WWOX: variants seen among roughly 807,000 people sequenced by gnomAD.
The protein encoded by WWOX is WW domain containing oxidoreductase, also known as WW domain-containing oxidoreductase.
WWOX carries 69 observed loss-of-function variants against 46.2 expected under a neutral mutation model. The ratio of observed to expected loss-of-function variants is 1.49; its 90% CI spans 1.23 to 1.82. The LOEUF (loss-of-function observed/expected upper bound fraction) is 1.82, where lower values mean the gene tolerates loss of function less well. Among genes scored for constraint, WWOX ranks in the 40% most tolerant of loss-of-function variants. The probability of loss-of-function intolerance (pLI) is 0.00; values close to 1 mark genes in which losing one functional copy is unlikely to be tolerated. For synonymous variants in WWOX, 359 were observed against 202.6 expected (o/e 1.77, Z -6.56); for missense variants, 919 against 542.6 (o/e 1.69, Z -6.89).
At chr16:78,634,837 A>AGAGAGAGAGAGTGTGTGT (rs1346762709) in intron 8 of WWOX, among the ~76,000 whole-genome samples, 3 of 111,718 alleles carry the variant, frequency 2.7e-5, no homozygotes, top group Non-Finnish European at 1.9e-5. Flanking sequence ...AGAGAGAGAG[A>AGAGAGAGAGAGTGTGTGT]GTGTGTGTGT....
At chr16:78,945,292 C>G (rs753378284) in intron 8 of WWOX, among the ~76,000 whole-genome samples, 4 of 152,156 alleles carry the variant, frequency 2.6e-5, no homozygotes, top group African/African-American at 9.7e-5. Flanking sequence ...ATATCAAGCA[C>G]GATTTGAGTT....
chr16:79,129,817 A>C (rs924536950), intron 8 of WWOX, among the ~76,000 whole-genome samples: 1 of 152,174 alleles, frequency 6.6e-6, no homozygotes, highest in Non-Finnish European at 1.5e-5. Flanking sequence ...CTCATGGACC[A>C]GTCGAAGGAG....
intron 8 of WWOX, among the ~76,000 whole-genome samples, chr16:78,946,206 T>G (rs1212883217): frequency 2.0e-5 from 3 of 152,168 alleles, no homozygotes; most frequent in Non-Finnish European, 4.4e-5. Flanking sequence ...TGTTTTTGTT[T>G]TCGAGACTGA....
chr16:78,736,354 A>C (rs1470948173), intron 8 of WWOX, among the ~76,000 whole-genome samples: 1 of 152,100 alleles, frequency 6.6e-6, no homozygotes, highest in Admixed American at 6.5e-5. Flanking sequence ...CAGCAAAGTG[A>C]AATTTTCCAG....
chr16:78,501,820 A>G (rs921258843), intron 8 of WWOX, among the ~76,000 whole-genome samples: 9 of 152,170 alleles, frequency 5.9e-5, no homozygotes, highest in Admixed American at 4.6e-4. Flanking sequence ...CTGAGAAGTT[A>G]CGTGAAACTA....
chr16:78,488,776 T>G (rs2084704364), intron 8 of WWOX, among the ~76,000 whole-genome samples: 1 of 152,196 alleles, frequency 6.6e-6, no homozygotes, highest in South Asian at 2.1e-4. Context: ...TGAGTCTTAG[T>G]TTCCTTACCT....
At chr16:78,688,463 G>C (rs757378893) in intron 8 of WWOX, among the ~76,000 whole-genome samples, 12 of 150,864 alleles carry the variant, frequency 8.0e-5, no homozygotes, top group Non-Finnish European at 1.6e-4. Flanking sequence ...TCTCTCTATT[G>C]CATATTAACC....
chr16:78,709,403 G>T (rs2048391481), intron 8 of WWOX, among the ~76,000 whole-genome samples: 1 of 152,154 alleles, frequency 6.6e-6, no homozygotes, highest in African/African-American at 2.4e-5. Context: ...CAGGGCCTGG[G>T]TAGCGGGCCC....
intron 5 of WWOX, among the ~76,000 whole-genome samples, chr16:78,328,086 C>G (rs2080670164): frequency 1.3e-5 from 2 of 151,982 alleles, no homozygotes; most frequent in African/African-American, 4.8e-5. Context: ...GTTGGCCAGG[C>G]TGGTCTTGAA....
intron 8 of WWOX, among the ~76,000 whole-genome samples, chr16:78,996,977 C>T (rs2047002941): frequency 6.6e-6 from 1 of 152,236 alleles, no homozygotes; most frequent in South Asian, 2.1e-4. Flanking sequence ...CGGATCTTTT[C>T]GCCTTGGCAG....
At chr16:78,918,520 T>C (rs754537031) in intron 8 of WWOX, among the ~76,000 whole-genome samples, 12 of 152,234 alleles carry the variant, frequency 7.9e-5, no homozygotes, top group Non-Finnish European at 1.5e-4. Flanking sequence ...CAGAGGTCTC[T>C]GCACAGAGAA....
intron 8 of WWOX, among the ~76,000 whole-genome samples, chr16:78,755,709 T>G (rs1464050873): frequency 6.6e-6 from 1 of 152,164 alleles, no homozygotes; most frequent in African/African-American, 2.4e-5. Flanking sequence ...AATACCCATT[T>G]TGATAGTTCA....
At chr16:78,567,730 C>G (rs1044894923) in intron 8 of WWOX, among the ~76,000 whole-genome samples, 2 of 152,034 alleles carry the variant, frequency 1.3e-5, no homozygotes, top group Non-Finnish European at 2.9e-5. Context: ...ATCCACCCTG[C>G]CTCTGTGGCT....
intron 6 of WWOX, among the ~76,000 whole-genome samples, chr16:78,409,366 T>A (rs2082621697): frequency 6.6e-6 from 1 of 152,144 alleles, no homozygotes; most frequent in Non-Finnish European, 1.5e-5. Flanking sequence ...CTTACTGTAG[T>A]CATACCTGCT....
At chr16:79,093,166 T>A (rs1418060564) in intron 8 of WWOX, among the ~76,000 whole-genome samples, 1 of 151,902 alleles carries the variant, frequency 6.6e-6, no homozygotes, top group Non-Finnish European at 1.5e-5. Context: ...GGAAAAAAAA[T>A]GGGCAAAAAT....
chr16:78,697,295 T>C (rs1451665697), intron 8 of WWOX, among the ~76,000 whole-genome samples: 1 of 152,186 alleles, frequency 6.6e-6, no homozygotes, highest in Non-Finnish European at 1.5e-5. Flanking sequence ...TGTAGAAGTG[T>C]TCCCTGCTCA....
chr16:78,965,251 T>C (rs2046343350), intron 8 of WWOX, among the ~76,000 whole-genome samples: 1 of 152,158 alleles, frequency 6.6e-6, no homozygotes, highest in Non-Finnish European at 1.5e-5. Flanking sequence ...ATAGTATTGA[T>C]GGTTGAACAA....
chr16:78,487,029 C>G (rs770571123), intron 8 of WWOX, among the ~76,000 whole-genome samples: 2 of 152,124 alleles, frequency 1.3e-5, no homozygotes, highest in Non-Finnish European at 2.9e-5. Context: ...AGCGAGCAGA[C>G]ACATGTACCC....
At chr16:78,956,601 A>T (rs1309439587) in intron 8 of WWOX, among the ~76,000 whole-genome samples, 1 of 148,378 alleles carries the variant, frequency 6.7e-6, no homozygotes, top group South Asian at 2.1e-4. Context: ...CATATATTGT[A>T]TCATATCATA....
Sources: gnomAD v4.1 joint callset for allele counts (sites outside exome capture counted in the v4.1 genomes callset) on GRCh38, gnomAD v4.1.1 for gene constraint, MANE v1.5 for transcripts, NCBI Gene and HGNC (gene_info 2026-07-23, HGNC 2026-07-21) for gene names.